Variants in SETBP1 observed in about 807,000 individuals in gnomAD.
SETBP1 encodes SET binding protein 1, also known as SET-binding protein.
Under a neutral mutation model 101.0 loss-of-function variants are expected in SETBP1, and 9 were observed. That is an observed-to-expected ratio of 0.09 (90% CI 0.05 to 0.16). SETBP1 has a LOEUF of 0.16. Among genes scored for constraint, SETBP1 ranks in the 10% least tolerant of loss-of-function variants. The pLI is 1.00. For synonymous variants in SETBP1, 818 were observed against 788.5 expected (o/e 1.04, Z -0.63); for missense variants, 1,858 against 2,033.8 (o/e 0.91, Z 1.66).
At chr18:44,755,951 C>A (rs984150807) in intron 2 of SETBP1, among the ~76,000 whole-genome samples, 1 of 152,118 alleles carries the variant, frequency 6.6e-6, no homozygotes, top group Admixed American at 6.5e-5. Context: ...CGCGGTGGCT[C>A]ACACCTGTAA....
chr18:44,937,262 C>G (rs1003941109), intron 3 of SETBP1, among the ~76,000 whole-genome samples: 233 of 151,680 alleles, frequency 1.5e-3, no homozygotes, highest in African/African-American at 5.3e-3. Context: ...ACCATCCCGG[C>G]TAAAACGGTG....
At chr18:45,035,183 G>A (rs1041258156) in intron 4 of SETBP1, among the ~76,000 whole-genome samples, 42 of 152,128 alleles carry the variant, frequency 2.8e-4, no homozygotes, top group Admixed American at 1.8e-3. Context: ...TCATAGATTA[G>A]CATTTGTTTA....
At chr18:44,934,616 C>G (rs1178247728) in intron 3 of SETBP1, among the ~76,000 whole-genome samples, 2 of 152,186 alleles carry the variant, frequency 1.3e-5, no homozygotes, top group Non-Finnish European at 2.9e-5. Flanking sequence ...GACCAGGCAC[C>G]AGGCACTGGT....
At chr18:44,855,325 T>C (rs2072954300) in intron 2 of SETBP1, among the ~76,000 whole-genome samples, 1 of 152,212 alleles carries the variant, frequency 6.6e-6, no homozygotes, top group African/African-American at 2.4e-5. Flanking sequence ...TGTTTTCATT[T>C]TGCTATTTCC....
At chr18:44,879,804 G>C (rs2069489147) in intron 3 of SETBP1, among the ~76,000 whole-genome samples, 1 of 152,160 alleles carries the variant, frequency 6.6e-6, no homozygotes, top group Non-Finnish European at 1.5e-5. Context: ...CAGGAGAAGG[G>C]AACACCTCAC....
chr18:44,788,550 TC>T (rs1334990367), intron 2 of SETBP1, among the ~76,000 whole-genome samples: 2 of 152,290 alleles, frequency 1.3e-5, no homozygotes, highest in East Asian at 3.9e-4. Context: ...CTGGCCTTGC[TC>T]ATATAATAGT....
intron 3 of SETBP1, among the ~76,000 whole-genome samples, chr18:44,920,196 A>T (rs1354575931): frequency 6.6e-6 from 1 of 152,144 alleles, no homozygotes; most frequent in Non-Finnish European, 1.5e-5. Flanking sequence ...CTCACATGGC[A>T]GAAGAGTAGG....
chr18:44,788,481 G>A (rs151284877), intron 2 of SETBP1, among the ~76,000 whole-genome samples: 5 of 152,336 alleles, frequency 3.3e-5, no homozygotes, highest in East Asian at 3.9e-4. Flanking sequence ...GGTTCTCATT[G>A]TGTTAACTTT....
At chr18:45,053,827 G>A (rs1320444993) in intron 5 of SETBP1, among the ~76,000 whole-genome samples, 1 of 152,018 alleles carries the variant, frequency 6.6e-6, no homozygotes, top group East Asian at 1.9e-4. Flanking sequence ...GAACATGCAT[G>A]CACAATAGTT....
In SETBP1 at chr18:44,868,727, G is replaced by T. The variant is rs1487706456; in HGVS notation, c.487-503G>T. ...GGAAGGAAGGGAGGAAGGAAGGAAG[G>T]AAGGAAGGAAGGAAGGAAGGAAGGA... On this transcript the variant is annotated intron_variant, in intron 2 of 5. Coordinates refer to ENST00000649279, the MANE Select transcript of SETBP1 (RefSeq NM_015559.3). 1.5e-4 allele frequency among the ~76,000 whole-genome samples: 7 copies of T among 47,960 alleles called. 1 individual carries two copies. Among genetic ancestry groups the T allele is most frequent in the Non-Finnish European group, 4.0e-4 (7 of 17,568 alleles). 31.5% of individuals were successfully genotyped at this position (47,960 alleles called of 152,430 possible).
chr18:44,844,989 T>C (rs2072696582), intron 2 of SETBP1, among the ~76,000 whole-genome samples: 1 of 152,138 alleles, frequency 6.6e-6, no homozygotes, highest in Non-Finnish European at 1.5e-5. Flanking sequence ...AGGGTCTTGA[T>C]GGGAATCGGT....
chr18:44,875,511 G>C (rs186915117), intron 3 of SETBP1, among the ~76,000 whole-genome samples: 369 of 111,682 alleles, frequency 3.3e-3, no homozygotes, highest in Admixed American at 0.013. Flanking sequence ...CCTGGCAAGA[G>C]AGCAAGACTC....
chr18:44,825,437 A>T (rs1440004085), intron 2 of SETBP1, among the ~76,000 whole-genome samples: 1 of 152,188 alleles, frequency 6.6e-6, no homozygotes, highest in Admixed American at 6.5e-5. Context: ...AAAGGCACAC[A>T]ATTTTTCTAA....
At chr18:45,023,991 G>A (rs1686407246) in intron 4 of SETBP1, among the ~76,000 whole-genome samples, 1 of 152,200 alleles carries the variant, frequency 6.6e-6, no homozygotes, top group African/African-American at 2.4e-5. Context: ...GGCTCCAGGG[G>A]CATGGCCTTA....
chr18:45,016,825 G>A (rs2072956144), intron 4 of SETBP1, among the ~76,000 whole-genome samples: 1 of 70,298 alleles, frequency 1.4e-5, no homozygotes, highest in Admixed American at 2.1e-4. Flanking sequence ...CCTATTCCCC[G>A]GAGGGCCAGT....
chr18:44,750,353 G>C (rs77438139), intron 2 of SETBP1, among the ~76,000 whole-genome samples: 78 of 152,228 alleles, frequency 5.1e-4, no homozygotes, highest in African/African-American at 1.9e-3. Context: ...AAGCTCTGCT[G>C]TTTCTTCATT....
chr18:44,985,296 C>T (rs116877701), intron 4 of SETBP1, among the ~76,000 whole-genome samples: 1,914 of 152,216 alleles, frequency 0.013, 24 homozygotes, highest in East Asian at 0.061. Context: ...ATGGGCAGTG[C>T]CTCAGAGCTA....
At chr18:44,908,812 G>A (rs1470347980) in intron 3 of SETBP1, among the ~76,000 whole-genome samples, 1 of 152,174 alleles carries the variant, frequency 6.6e-6, no homozygotes, top group Non-Finnish European at 1.5e-5. Flanking sequence ...TTCATGTCCT[G>A]TAGAGTACTT....
At chr18:44,741,788 C>T (rs1289415416) in intron 2 of SETBP1, among the ~76,000 whole-genome samples, 1 of 152,170 alleles carries the variant, frequency 6.6e-6, no homozygotes, top group African/African-American at 2.4e-5. Context: ...CCGGTGCCTG[C>T]CAACTCCTCA....
Sources: gnomAD v4.1 joint callset for allele counts (sites outside exome capture counted in the v4.1 genomes callset) on GRCh38, gnomAD v4.1.1 for gene constraint, MANE v1.5 for transcripts, NCBI Gene and HGNC (gene_info 2026-07-23, HGNC 2026-07-21) for gene names.